The following KCNAB2 variants were observed in gnomAD, a reference collection of about 807,000 sequenced individuals.
KCNAB2 encodes the protein voltage-gated potassium channel subunit beta-2.
Under a neutral mutation model 63.6 loss-of-function variants are expected in KCNAB2, and 29 were observed. That is an observed-to-expected ratio of 0.46 (90% CI 0.34 to 0.62). The LOEUF is 0.62. Ranked by LOEUF, KCNAB2 falls within the 20% of genes least tolerant of loss-of-function variation. The pLI, the probability that KCNAB2 is intolerant of heterozygous loss-of-function variation, is 0.01. For synonymous variants in KCNAB2, 222 were observed against 224.2 expected, an observed-to-expected ratio of 0.99 and a Z score of 0.09; for missense variants, 359 against 563.9, an observed-to-expected ratio of 0.64 and a Z score of 3.68.
chr1:6,015,193 A>G lies in KCNAB2; in HGVS notation c.-53+22405A>G, dbSNP rs1407920724. On this transcript the variant is annotated intron_variant, in intron 1 of 16. Transcript: ENST00000341524. ...ACTACAGGTGCCCGCCACCATGCCCAGCTACTTTTTGTATTTTTAGTAGAG... is the reference window on the plus strand; with the variant it reads ...ACTACAGGTGCCCGCCACCATGCCCGGCTACTTTTTGTATTTTTAGTAGAG... Among the ~76,000 whole-genome samples the G allele has an allele frequency of 5.3e-5, 8 of 151,884 alleles. No homozygotes were observed. The East Asian group carries it at 1.2e-3, about 22-fold the overall frequency.
intron 1 of KCNAB2, among the ~76,000 whole-genome samples, chr1:6,021,936 G>T (rs1658853248): frequency 1.3e-5 from 2 of 151,780 alleles, no homozygotes; most frequent in African/African-American, 4.9e-5. Flanking sequence ...TGAGGGTAAA[G>T]TGCAGTAGCA....
Position 6,073,103 on chromosome 1 carries a change from C to T in KCNAB2, c.262+305C>T, listed in dbSNP as rs910365674. On this transcript the variant is annotated intron_variant, in intron 3 of 15. Transcript: ENST00000378083. This position sits in a 1 kb window ranked among gnomAD's most constrained non-coding sequence, Gnocchi z 5.7. Reference sequence around the variant, plus strand: ...CACAAAATCAGAGGCCCTTAGGGCCCCGGGAGTGCAACGAAGACACCTTAC... The same window carrying T: ...CACAAAATCAGAGGCCCTTAGGGCCTCGGGAGTGCAACGAAGACACCTTAC... Among the ~76,000 whole-genome samples the T allele has an allele frequency of 6.6e-6, 1 of 152,160 alleles. No homozygotes were observed. Among genetic ancestry groups the T allele is most frequent in the South Asian group, 2.1e-4 (1 of 4,836 alleles).
chr1:5,995,609 C>G (rs185533387), intron 1 of KCNAB2, among the ~76,000 whole-genome samples: 8 of 152,316 alleles, frequency 5.3e-5, no homozygotes, highest in Non-Finnish European at 1.2e-4. Context: ...TGCAAGGGTA[C>G]TGTTGTTCGT....
intron 1 of KCNAB2, among the ~76,000 whole-genome samples, chr1:6,004,648 T>C (rs1473982090): frequency 1.3e-5 from 2 of 150,826 alleles, no homozygotes; most frequent in Admixed American, 1.3e-4. Flanking sequence ...ATATGGACAC[T>C]TGTCATTGGA....
chr1:6,029,281 CAAA>C (rs756374657), upstream of KCNAB2, among the ~76,000 whole-genome samples: 6 of 62,702 alleles, frequency 9.6e-5, no homozygotes, highest in Non-Finnish European at 1.3e-4. Context: ...GACTCCATCT[CAAA>C]AAAAAAAAAA....
rs115487611 is a variant in KCNAB2 at position 5,994,443 on chromosome 1, G to T, written c.-53+1655G>T. 5.6e-3 allele frequency among the ~76,000 whole-genome samples: 849 copies of T among 152,326 alleles called. 2 individuals carry two copies. The highest frequency in any genetic ancestry group is 0.019 in the African/African-American group (795 of 41,560). On this transcript the variant is annotated intron_variant, in intron 1 of 16. Transcript: ENST00000341524. The surrounding 1 kb of genome is among the most constrained non-coding windows in gnomAD (Gnocchi z 5.4). ...GTCATTGTCTCCACGGCCACACTCGGCCTCAGTGGCACTGACAGTGTTCGG... is the reference window on the plus strand; with the variant it reads ...GTCATTGTCTCCACGGCCACACTCGTCCTCAGTGGCACTGACAGTGTTCGG...
At position 6,078,899 on chromosome 1, in the gene KCNAB2, T is replaced by C. The variant is rs188677232; in HGVS notation, c.301-3296T>C. Among the ~76,000 whole-genome samples, 23 of 152,098 alleles carry C rather than the reference T, an allele frequency of 1.5e-4. No homozygotes were observed. The East Asian group carries it at 4.4e-3, about 29-fold the overall frequency. ...TGGACCACGCTTTGCCTGGGGAAGG[T>C]GCAGGGAGAGAGGATGGAAGCAGAG... On this transcript the variant is annotated intron_variant, in intron 4 of 15. Coordinates refer to ENST00000378083, the MANE Select transcript of KCNAB2 (RefSeq NM_001199862.2). The surrounding 1 kb of genome is among the most constrained non-coding windows in gnomAD (Gnocchi z 4.2).
chr1:6,039,671 G>A (rs1264778906), intron 1 of KCNAB2, among the ~76,000 whole-genome samples: 12 of 151,132 alleles, frequency 7.9e-5, no homozygotes, highest in Admixed American at 6.5e-4. Flanking sequence ...GGTTCTTGCC[G>A]GGACTGGGCT....
chr1:6,047,730 C>T (rs1310531083), intron 1 of KCNAB2, among the ~76,000 whole-genome samples: 3 of 152,218 alleles, frequency 2.0e-5, no homozygotes, highest in African/African-American at 4.8e-5. Flanking sequence ...GGTCAGGGGG[C>T]AGTGGCAGCA....
At chr1:6,044,981 G>A (rs144425976), upstream of KCNAB2, among the ~76,000 whole-genome samples, 1,553 of 152,316 alleles carry the variant, frequency 0.01, 13 homozygotes, top group Non-Finnish European at 0.018. Context: ...CAGTAGTGAG[G>A]CGCAGGCCCC....
In KCNAB2 at chr1:6,074,923, C is replaced by T. The variant is rs1163145027; in HGVS notation, c.300+1153C>T. ...GAGCCGAGATCATATCACTGCACTC[C>T]AGCCTAGGCCGTAGAGTAAGACTCT... On this transcript the variant is annotated intron_variant, in intron 4 of 15. Transcript: ENST00000378083. The surrounding 1 kb of genome is among the most constrained non-coding windows in gnomAD (Gnocchi z 4.9). 1.3e-5 allele frequency among the ~76,000 whole-genome samples: 2 copies of T among 148,920 alleles called. No homozygotes were observed. The highest frequency in any genetic ancestry group is 3.0e-5 in the Non-Finnish European group (2 of 67,734).
chr1:6,046,978 G>A (rs148940859), intron 1 of KCNAB2, among the ~76,000 whole-genome samples: 1,933 of 152,270 alleles, frequency 0.013, 45 homozygotes, highest in African/African-American at 0.043. Context: ...GTTAATTCAC[G>A]TGAATTCCCC....
At chr1:6,089,118 T>C in intron 8 of KCNAB2, 67 bp downstream of exon 8, 3 of 1,480,352 alleles carry the variant, frequency 2.0e-6, no homozygotes, top group Non-Finnish European at 2.8e-6. Flanking sequence ...GCCAAAGTGA[T>C]GGCAGCACAG....
chr1:5,992,678 T>G (rs1308017419), upstream of KCNAB2: 1 of 152,342 alleles, frequency 6.6e-6, no homozygotes, highest in Non-Finnish European at 1.5e-5. Context: ...GTGAAGATGC[T>G]GCTGGCGGAA....
chr1:6,069,804 A>G lies in KCNAB2; in HGVS notation c.219-2951A>G, dbSNP rs1883771. On this transcript the variant is annotated intron_variant, in intron 2 of 15. Coordinates refer to ENST00000378083, the MANE Select transcript of KCNAB2 (RefSeq NM_001199862.2). The surrounding 1 kb of genome is among the most constrained non-coding windows in gnomAD (Gnocchi z 5.4). ...TGGCAGAACCAATACCATCATTTTC[A>G]CAGGGAAACAAGTTGAGCAGGGTAA... Among the ~76,000 whole-genome samples the G allele has an allele frequency of 0.1, 15,978 of 152,216 alleles. 2,699 individuals are homozygous for G. Among genetic ancestry groups the G allele is most frequent in the African/African-American group, 0.36 (14,828 of 41,476 alleles).
In KCNAB2 at chr1:6,087,288, G is replaced by A. The variant is rs372964424; in HGVS notation, c.426-179G>A. On this transcript the variant is annotated intron_variant, in intron 6 of 15. Coordinates refer to ENST00000378083, the MANE Select transcript of KCNAB2 (RefSeq NM_001199862.2). This position sits in a 1 kb window ranked among gnomAD's most constrained non-coding sequence, Gnocchi z 6.4. ...CCTCCTGGCTCCATGAGGAGCCCACGCACCCCGGCTGGGCACGTGGTACAC... is the reference window on the plus strand; with the variant it reads ...CCTCCTGGCTCCATGAGGAGCCCACACACCCCGGCTGGGCACGTGGTACAC... Among the ~76,000 whole-genome samples, 13 of 152,254 alleles carry A rather than the reference G, an allele frequency of 8.5e-5. No homozygotes were observed. Among genetic ancestry groups the A allele is most frequent in the African/African-American group, 2.6e-4 (11 of 41,554 alleles).
rs506117 is a variant in KCNAB2, at chr1:5,994,628, T to C, written c.-53+1840T>C. ...GGAGTTGGGGGGTGTCGTGAAAAAGTGTGAAACCCTTTTCGTGTGTTTCTT... is the reference window on the plus strand; with the variant it reads ...GGAGTTGGGGGGTGTCGTGAAAAAGCGTGAAACCCTTTTCGTGTGTTTCTT... On this transcript the variant is annotated intron_variant, in intron 1 of 16. Transcript: ENST00000341524. The surrounding 1 kb of genome is among the most constrained non-coding windows in gnomAD (Gnocchi z 5.4). Among the ~76,000 whole-genome samples the C allele has an allele frequency of 5.7e-3, 860 of 152,156 alleles. 8 individuals carry two copies. Among genetic ancestry groups the C allele is most frequent in the Non-Finnish European group, 8.0e-3 (543 of 67,994 alleles).
intron 1 of KCNAB2, among the ~76,000 whole-genome samples, chr1:6,020,492 C>T (rs137859497): frequency 4.3e-4 from 65 of 152,138 alleles, no homozygotes; most frequent in African/African-American, 1.5e-3. Flanking sequence ...AAGAACACAC[C>T]AGGATCGCGT....
In KCNAB2 at chr1:6,069,236, C is replaced by T. The variant is rs752438435; in HGVS notation, c.219-3519C>T. 1.4e-4 allele frequency among the ~76,000 whole-genome samples: 21 copies of T among 152,194 alleles called. No homozygotes were observed. The highest frequency in any genetic ancestry group is 4.1e-4 in the African/African-American group (17 of 41,444). On this transcript the variant is annotated intron_variant, in intron 2 of 15. Coordinates refer to ENST00000378083, the MANE Select transcript of KCNAB2 (RefSeq NM_001199862.2). The surrounding 1 kb of genome is among the most constrained non-coding windows in gnomAD (Gnocchi z 5.4). Reference sequence around the variant, plus strand: ...AGGAGCCACCCCATGTGCCTTCCTCCGCAACCAGCTAGCCAAGGCCACGGT... The same window carrying T: ...AGGAGCCACCCCATGTGCCTTCCTCTGCAACCAGCTAGCCAAGGCCACGGT...
Sources: allele counts gnomAD v4.1 joint callset (sites outside exome capture counted in the v4.1 genomes callset), GRCh38; gene constraint gnomAD v4.1.1; non-coding constraint Gnocchi (gnomAD v3.1); transcripts MANE v1.5; gene names NCBI Gene and HGNC (gene_info 2026-07-23, HGNC 2026-07-21).